Variants in GALNT14 observed in about 807,000 individuals in gnomAD.
GALNT14 encodes the protein UDP-GalNAc:polypeptide N-acetylgalactosaminyltransferase 14.
A neutral mutation model predicts 77.5 loss-of-function variants in GALNT14; 60 were observed. The ratio of observed to expected loss-of-function variants is 0.77; its 90% CI spans 0.63 to 0.96. The LOEUF is 0.96. Ranked by LOEUF, GALNT14 falls within the 40% of genes least tolerant of loss-of-function variation. The pLI is 0.00. For synonymous variants in GALNT14, 280 were observed against 281.7 expected, an observed-to-expected ratio of 0.99 and a Z score of 0.06; for missense variants, 710 against 731.0, an observed-to-expected ratio of 0.97 and a Z score of 0.33.
At position 30,958,440 on chromosome 2, in the gene GALNT14, A is replaced by T; in HGVS notation, c.423T>A (p.His141Gln). 6.2e-7 allele frequency: 1 copy of T among 1,614,150 alleles called. No individual in the cohort carries two copies. Among genetic ancestry groups the T allele is most frequent in the Non-Finnish European group, 8.5e-7 (1 of 1,180,000 alleles). ...IRSVLNRTPT[H>Q]LIREIILVDD... ...CCACTAATATGATTTCCCGGATCAG[A>T]TGCGTAGGGGTGCGGTTTAATACAC... is the stretch of plus-strand genomic sequence containing the variant. Residue 141 changes from histidine (H) to glutamine (Q), a missense_variant, in exon 4 of 15, where the codon CAT (histidine) becomes CAA (glutamine). Physicochemically the swap from His to Gln is conservative, Grantham distance 24. Coordinates refer to ENST00000349752, the MANE Select transcript of GALNT14 (RefSeq NM_024572.4).
At chr2:31,025,649 G>C (rs554226247) in intron 1 of GALNT14, among the ~76,000 whole-genome samples, 1 of 152,300 alleles carries the variant, frequency 6.6e-6, no homozygotes, top group South Asian at 2.1e-4. Context: ...AAGGTTGAAA[G>C]CATCTGTAAC....
At chr2:30,919,231 C>T (rs567276530) in intron 13 of GALNT14, among the ~76,000 whole-genome samples, 3 of 152,126 alleles carry the variant, frequency 2.0e-5, no homozygotes, top group East Asian at 1.9e-4. Flanking sequence ...TGTTTACAAA[C>T]GGATGATGTA....
chr2:31,061,136 C>CCAGA (rs1370469387), intron 1 of GALNT14, among the ~76,000 whole-genome samples: 2 of 152,174 alleles, frequency 1.3e-5, no homozygotes, highest in Non-Finnish European at 1.5e-5. Flanking sequence ...CAACCCCTTA[C>CCAGA]CAGACATCCC....
intron 1 of GALNT14, among the ~76,000 whole-genome samples, chr2:31,100,729 C>A (rs1182318007): frequency 5.3e-5 from 8 of 151,636 alleles, no homozygotes; most frequent in African/African-American, 1.9e-4. Context: ...CTGAACTATA[C>A]AGATGCTCCT....
chr2:31,106,929 C>G (rs777611634), intron 1 of GALNT14, among the ~76,000 whole-genome samples: 1 of 152,124 alleles, frequency 6.6e-6, no homozygotes, highest in Non-Finnish European at 1.5e-5. Flanking sequence ...AGTAAGCTTT[C>G]TTTGTGGAGG....
chr2:31,112,024 C>A, intron 1 of GALNT14, among the ~76,000 whole-genome samples: 1 of 149,922 alleles, frequency 6.7e-6, no homozygotes, highest in South Asian at 2.1e-4. Flanking sequence ...TTGTATCCCT[C>A]CTTGTTCCAT....
intron 1 of GALNT14, among the ~76,000 whole-genome samples, chr2:31,096,843 A>G (rs1473800956): frequency 6.6e-6 from 1 of 152,080 alleles, no homozygotes; most frequent in Admixed American, 6.6e-5. Context: ...ACCACATCAC[A>G]ACTCATCTAA....
chr2:31,033,661 C>A (rs1448878006), intron 1 of GALNT14, among the ~76,000 whole-genome samples: 1 of 152,122 alleles, frequency 6.6e-6, no homozygotes, highest in Non-Finnish European at 1.5e-5. Flanking sequence ...CCCTCCCTGG[C>A]CTGCCTGCAT....
intron 1 of GALNT14, among the ~76,000 whole-genome samples, chr2:31,008,325 G>A (rs1670803464): frequency 6.6e-6 from 1 of 152,038 alleles, no homozygotes; most frequent in African/African-American, 2.4e-5. Context: ...TCAAATTCCT[G>A]GCCTCAAGCA....
intron 1 of GALNT14, among the ~76,000 whole-genome samples, chr2:31,061,109 G>A (rs754235938): frequency 1.5e-4 from 23 of 152,028 alleles, no homozygotes; most frequent in Non-Finnish European, 2.8e-4. Context: ...CCATGAACCT[G>A]GCCTTCTTCC....
chr2:30,972,985 AT>A (rs1668451047), intron 2 of GALNT14, among the ~76,000 whole-genome samples: 1 of 152,186 alleles, frequency 6.6e-6, no homozygotes, highest in Non-Finnish European at 1.5e-5. Context: ...ACAAAAAGCT[AT>A]GTTGACCTAA....
chr2:31,137,956 A>G lies in GALNT14; in HGVS notation c.129+2T>C, dbSNP rs775933513. 3.1e-6 allele frequency: 5 copies of G among 1,611,054 alleles called. No homozygotes were observed. The highest frequency in any genetic ancestry group is 3.3e-5 in the Admixed American group (2 of 59,702). On this transcript the variant is annotated splice_donor_variant, in intron 1 of 14. Coordinates refer to ENST00000349752, the MANE Select transcript of GALNT14 (RefSeq NM_024572.4). LOFTEE classifies it high-confidence loss of function. The stretch of plus-strand genomic sequence containing the variant: ...GCGCCAGCGCGCCGGCAAGCCGCCT[A>G]CCTTAGGGGTCTGCACTTCAGGTCC...
chr2:31,077,825 A>C (rs1242271089), intron 1 of GALNT14, among the ~76,000 whole-genome samples: 1 of 152,176 alleles, frequency 6.6e-6, no homozygotes, highest in Non-Finnish European at 1.5e-5. Flanking sequence ...CCCAGTTTCC[A>C]TTGCGTGTGC....
rs1665213128 is a variant in GALNT14, at chr2:30,924,229, T to G, written c.1270A>C (p.Ile424Leu). 1.9e-6 allele frequency: 3 copies of G among 1,614,188 alleles called. No homozygotes were observed. Among genetic ancestry groups the G allele is most frequent in the Middle Eastern group, 1.6e-4 (1 of 6,062 alleles). The change falls in exon 13 of 15, where the codon ATC becomes CTC. Residue 424 changes from isoleucine to leucine, a missense_variant. Transcript: ENST00000349752. ...TCCAGGCACTTCTGTCTCTGTCGGA[T>G]ATTGCCCTTCTGGATGGAGGACTCC... Reference protein sequence around the residue: ...PKESSIQKGNIRQRQKCLESQ... With the variant: ...PKESSIQKGNLRQRQKCLESQ...
At position 31,138,030 on chromosome 2, in the gene GALNT14, C is replaced by G; in HGVS notation, c.57G>C (p.Thr19=). ...TGGTTACCCAGAAGAACAGCAGCACCGTGATCCAGAGCACCCCGAAGACTG... is the reference window on the plus strand; with the variant it reads ...TGGTTACCCAGAAGAACAGCAGCACGGTGATCCAGAGCACCCCGAAGACTG... ...VLPVFGVLWI[T]VLLFFWVTKR... The change falls in exon 1 of 15, where the codon ACG becomes ACC. Residue 19 remains threonine, a synonymous_variant. Transcript: ENST00000349752. 1 of 1,613,864 alleles carries G rather than the reference C, an allele frequency of 6.2e-7. No individual in the cohort carries two copies. The highest frequency in any genetic ancestry group is 8.5e-7 in the Non-Finnish European group (1 of 1,179,812).
intron 1 of GALNT14, among the ~76,000 whole-genome samples, chr2:31,120,786 A>T (rs1034218487): frequency 4.6e-5 from 7 of 152,124 alleles, no homozygotes; most frequent in African/African-American, 1.7e-4. Context: ...CAAACTCCTG[A>T]CCTCTGGTGA....
chr2:31,120,662 T>G (rs1004902626), intron 1 of GALNT14, among the ~76,000 whole-genome samples: 1 of 152,178 alleles, frequency 6.6e-6, no homozygotes, highest in Admixed American at 6.5e-5. Context: ...GCTCAAGTGA[T>G]TCTCCTGCCT....
At chr2:30,999,684 G>A (rs1478175042) in intron 1 of GALNT14, among the ~76,000 whole-genome samples, 1 of 152,172 alleles carries the variant, frequency 6.6e-6, no homozygotes. Flanking sequence ...TGAAAATGCT[G>A]TGCCTATGGT....
intron 11 of GALNT14, 88 bp downstream of exon 11, chr2:30,929,307 G>T: frequency 1.0e-6 from 1 of 962,946 alleles, no homozygotes; most frequent in Non-Finnish European, 1.6e-6. Flanking sequence ...TAGCTAAGCT[G>T]ACTGGCCTAT....
Sources: gnomAD v4.1 joint callset for allele counts (sites outside exome capture counted in the v4.1 genomes callset) on GRCh38, gnomAD v4.1.1 for gene constraint, MANE v1.5 for transcripts, NCBI Gene and HGNC (gene_info 2026-07-23, HGNC 2026-07-21) for gene names.